MACO1: variants seen among roughly 807,000 people sequenced by gnomAD.
MACO1 encodes macoilin.
In MACO1, 14 loss-of-function variants were observed where a neutral mutation model predicts 78.7. The ratio of observed to expected loss-of-function variants is 0.18; its 90% CI spans 0.12 to 0.28. The LOEUF (loss-of-function observed/expected upper bound fraction) is 0.28. MACO1 is among the 10% of genes least tolerant of loss of function. The pLI, the probability that MACO1 is intolerant of heterozygous loss-of-function variation, is 1.00. For missense variants in MACO1, 501 were observed against 799.0 expected, an observed-to-expected ratio of 0.63 and a Z score of 4.50; for synonymous variants, 288 against 291.6, an observed-to-expected ratio of 0.99 and a Z score of 0.12.
At chr1:25,436,922 T>C (rs924345026) in intron 1 of MACO1, among the ~76,000 whole-genome samples, 2 of 152,134 alleles carry the variant, frequency 1.3e-5, no homozygotes. Context: ...AAATAATGTA[T>C]CCCTCACCCC....
At position 25,498,311 on chromosome 1, in the gene MACO1, A is replaced by T. The variant is rs1301276098; in HGVS notation, c.1840A>T (p.Ile614Leu). ...GGAAATCAAGGACCTAAAACAGAAG[A>T]TAGCCGAAGTCATGGCCGTCATGCC... is the stretch of plus-strand genomic sequence containing the variant. ...DQEIKDLKQK[I>L]AEVMAVMPSI... is the part of the protein sequence containing the mutation. The change falls in exon 11 of 11, where the codon ATA becomes TTA. Residue 614 changes from isoleucine (I) to leucine (L), a missense_variant. Ile to Leu is a conservative substitution (Grantham distance 5). Coordinates refer to ENST00000374343, the MANE Select transcript of MACO1 (RefSeq NM_018202.6). 1 of 1,614,070 alleles carries T rather than the reference A, an allele frequency of 6.2e-7. No homozygotes were observed. Among genetic ancestry groups the T allele is most frequent in the Non-Finnish European group, 8.5e-7 (1 of 1,180,040 alleles).
intron 10 of MACO1, among the ~76,000 whole-genome samples, chr1:25,496,754 CAG>C (rs1294180273): frequency 2.0e-5 from 3 of 150,716 alleles, no homozygotes; most frequent in Non-Finnish European, 4.4e-5. Context: ...CATGGTCCAG[CAG>C]AGAGACGATG....
chr1:25,485,508 A>C lies in MACO1; in HGVS notation c.1314-105A>C. ...ATTGACATTTTTGATTTGCTGTTCA[A>C]ACCTCCTGTTTAATTGGCCTTAAGG... On this transcript the variant is annotated intron_variant, in intron 7 of 10. Coordinates refer to ENST00000374343, the MANE Select transcript of MACO1 (RefSeq NM_018202.6). The surrounding 1 kb of genome is among the most constrained non-coding windows in gnomAD (Gnocchi z 4.3). 1.7e-6 allele frequency: 2 copies of C among 1,210,266 alleles called. No individual in the cohort carries two copies. The highest frequency in any genetic ancestry group is 1.6e-5 in the South Asian group (1 of 64,116). The allele number at this position is 1,210,266 out of a possible 1,614,324, so 75.0% of individuals were successfully genotyped here. A position where few individuals can be genotyped will look rare whatever the true frequency, so the allele number is the denominator to read the frequency against.
chr1:25,435,599 G>C (rs1339264243), intron 1 of MACO1, among the ~76,000 whole-genome samples: 1 of 152,156 alleles, frequency 6.6e-6, no homozygotes, highest in Non-Finnish European at 1.5e-5. Flanking sequence ...ACTGCAGGCT[G>C]TCATGACCCT....
At chr1:25,488,585 C>T (rs1484976975) in intron 8 of MACO1, among the ~76,000 whole-genome samples, 1 of 151,984 alleles carries the variant, frequency 6.6e-6, no homozygotes, top group Admixed American at 6.5e-5. Flanking sequence ...CCTCTGCCTC[C>T]CAGGTACAAG....
chr1:25,491,388 G>A, intron 9 of MACO1, 22 bp from the exon 10 acceptor site: 2 of 1,613,292 alleles, frequency 1.2e-6, no homozygotes. Context: ...TTGTAGCATT[G>A]CTGTTTTGAT....
chr1:25,448,485 A>C (rs1420884270), intron 2 of MACO1, among the ~76,000 whole-genome samples: 1 of 152,168 alleles, frequency 6.6e-6, no homozygotes, highest in African/African-American at 2.4e-5. Flanking sequence ...AAGAAAAAAA[A>C]AATTCTAGTT....
intron 1 of MACO1, among the ~76,000 whole-genome samples, chr1:25,446,019 A>G (rs1432914469): frequency 1.3e-5 from 2 of 152,206 alleles, no homozygotes; most frequent in African/African-American, 2.4e-5. Context: ...CAGTGGTTAC[A>G]TATGTGTCCT....
intron 3 of MACO1, among the ~76,000 whole-genome samples, chr1:25,450,787 A>T (rs975759016): frequency 6.6e-6 from 1 of 152,096 alleles, no homozygotes; most frequent in African/African-American, 2.4e-5. Flanking sequence ...GTATTTTCTT[A>T]TCCTGGGCCT....
In MACO1 at chr1:25,467,220, A is replaced by T. The variant is rs1032857326; in HGVS notation, c.1154+8328A>T. ...TTGCAGTAAGCCAAGATCATGCCAC[A>T]GCACTCTAGCCTGGGCAACAAAGCG... On this transcript the variant is annotated intron_variant, in intron 6 of 10. Coordinates refer to ENST00000374343, the MANE Select transcript of MACO1 (RefSeq NM_018202.6). Among the ~76,000 whole-genome samples, 11 of 152,278 alleles carry T rather than the reference A, an allele frequency of 7.2e-5. No homozygotes were observed. The East Asian group carries it at 1.3e-3, about 19-fold the overall frequency.
In MACO1 at chr1:25,485,884, G is replaced by T; in HGVS notation, c.1496+89G>T. The T allele has an allele frequency of 7.2e-7, 1 of 1,397,070 alleles. No individual in the cohort carries two copies. The allele number at this position is 1,397,070 out of a possible 1,614,324, so 86.5% of individuals were successfully genotyped here. A position where few individuals can be genotyped will look rare whatever the true frequency, so the allele number is the denominator to read the frequency against. On this transcript the variant is annotated intron_variant, in intron 8 of 10. Transcript: ENST00000374343. This position sits in a 1 kb window ranked among gnomAD's most constrained non-coding sequence, Gnocchi z 4.3. ...GAATTTGGTGCCTTGGGCAGGATTG[G>T]ACGTACAGCAATCATGCACGGATGG... is the stretch of plus-strand genomic sequence containing the variant.
intron 6 of MACO1, among the ~76,000 whole-genome samples, chr1:25,481,826 C>A (rs2043381663): frequency 1.3e-5 from 2 of 152,206 alleles, no homozygotes; most frequent in South Asian, 4.1e-4. Context: ...TGTCAGGACA[C>A]CCAGCGGTGC....
At chr1:25,434,702 T>A (rs1474786593) in intron 1 of MACO1, among the ~76,000 whole-genome samples, 1 of 152,210 alleles carries the variant, frequency 6.6e-6, no homozygotes, top group East Asian at 1.9e-4. Flanking sequence ...TCAAATGAGA[T>A]AGATATGAAA....
In MACO1 at chr1:25,485,595, A is replaced by G. The variant is rs774006371; in HGVS notation, c.1314-18A>G. On this transcript the variant is annotated intron_variant, in intron 7 of 10. Coordinates refer to ENST00000374343, the MANE Select transcript of MACO1 (RefSeq NM_018202.6). This position sits in a 1 kb window ranked among gnomAD's most constrained non-coding sequence, Gnocchi z 4.3. ...ATTTGTAATTTTAAGACTTTATATG[A>G]CAATCATTTCCATATAGGTTACATA... The G allele has an allele frequency of 6.2e-7, 1 of 1,602,842 alleles. No individual in the cohort carries two copies. The highest frequency in any genetic ancestry group is 1.1e-5 in the South Asian group (1 of 88,990).
intron 1 of MACO1, among the ~76,000 whole-genome samples, chr1:25,434,148 A>G (rs2042899610): frequency 6.6e-6 from 1 of 152,252 alleles, no homozygotes; most frequent in East Asian, 1.9e-4. Flanking sequence ...TGTTAATGTA[A>G]TCTGCATTTA....
intron 1 of MACO1, among the ~76,000 whole-genome samples, chr1:25,437,298 C>CTTTTTTTTTTTTT: frequency 3.0e-5 from 2 of 65,872 alleles, no homozygotes; most frequent in East Asian, 4.0e-4. Context: ...CCATGCCTGG[C>CTTTTTTTTTTTTT]TTTTTTTTTT....
rs2043461143 is a variant in MACO1, at chr1:25,489,112, G to A, written c.1497-61G>A. ...CTGGGATTACAGGCCTGAGTCACAG[G>A]GCCCAGCCCCAACCTATAGTCTTTT... is the stretch of plus-strand genomic sequence containing the variant. On this transcript the variant is annotated intron_variant, in intron 8 of 10. Coordinates refer to ENST00000374343, the MANE Select transcript of MACO1 (RefSeq NM_018202.6). 2.6e-6 allele frequency: 4 copies of A among 1,549,754 alleles called. No homozygotes were observed. The South Asian group carries it at 3.6e-5, about 14-fold the overall frequency.
rs576661855 is a variant in MACO1, at chr1:25,491,084, A to G, written c.1618-326A>G. Among the ~76,000 whole-genome samples the G allele has an allele frequency of 2.6e-5, 4 of 152,362 alleles. No individual in the cohort carries two copies. In the East Asian group the frequency reaches 5.8e-4, roughly 22 times the overall value. ...TTTTGGCAAGTTCGATTACAGCATT[A>G]TGATAATTTGCACGTGGCCAGCAAG... On this transcript the variant is annotated intron_variant, in intron 9 of 10. Coordinates refer to ENST00000374343, the MANE Select transcript of MACO1 (RefSeq NM_018202.6).
At chr1:25,445,372 A>G (rs1322712533) in intron 1 of MACO1, among the ~76,000 whole-genome samples, 1 of 152,030 alleles carries the variant, frequency 6.6e-6, no homozygotes, top group Non-Finnish European at 1.5e-5. Flanking sequence ...CTTAGTAGAA[A>G]CTTATTATCA....
Sources: gnomAD v4.1 joint callset for allele counts (sites outside exome capture counted in the v4.1 genomes callset) on GRCh38, gnomAD v4.1.1 for gene constraint, Gnocchi (gnomAD v3.1) non-coding constraint, MANE v1.5 for transcripts, NCBI Gene and HGNC (gene_info 2026-07-23, HGNC 2026-07-21) for gene names.